PCDHGA1: variants seen among roughly 807,000 people sequenced by gnomAD.
The protein encoded by PCDHGA1 is protocadherin gamma-A1.
PCDHGA1 carries 32 observed loss-of-function variants against 58.0 expected under a neutral mutation model. That is an observed-to-expected ratio of 0.55 (90% confidence interval 0.42 to 0.74). The LOEUF (loss-of-function observed/expected upper bound fraction) is 0.74, where lower values mean the gene tolerates loss of function less well. PCDHGA1 is among the 30% of genes least tolerant of loss of function. The probability of loss-of-function intolerance (pLI) is 0.00; values close to 1 mark genes in which losing one functional copy is unlikely to be tolerated. For missense variants in PCDHGA1, 1,205 were observed against 1,182.3 expected, an observed-to-expected ratio of 1.02 and a Z score of -0.28; for synonymous variants, 498 against 501.1, an observed-to-expected ratio of 0.99 and a Z score of 0.08.
intron 1 of PCDHGA1, chr5:141,376,220 G>A: frequency 6.2e-7 from 1 of 1,614,202 alleles, no homozygotes; most frequent in Non-Finnish European, 8.5e-7. Context: ...CGTGCTGCTG[G>A]CGCTCAGACT....
rs1243232069 is a variant in PCDHGA1 at position 141,490,842 on chromosome 5, G to A, written c.2422-3965G>A. Reference sequence around the variant, plus strand: ...TGCTGCAGATGCTGCAGATTGTGGTGGGGGTTCGAGACTCCGGCTCTCCCC... The same window carrying A: ...TGCTGCAGATGCTGCAGATTGTGGTAGGGGTTCGAGACTCCGGCTCTCCCC... On this transcript the variant is annotated intron_variant, in intron 1 of 3. Transcript: ENST00000517417. The surrounding 1 kb of genome is among the most constrained non-coding windows in gnomAD (Gnocchi z 5.4). 4.3e-6 allele frequency: 7 copies of A among 1,613,844 alleles called. No homozygotes were observed. In the South Asian group the frequency reaches 6.6e-5, roughly 15 times the overall value.
intron 1 of PCDHGA1, chr5:141,427,308 G>A (rs2097014480): frequency 2.2e-6 from 1 of 456,846 alleles, no homozygotes; most frequent in Non-Finnish European, 4.4e-6. Flanking sequence ...GAATGACAAT[G>A]CCCCAGACGT....
chr5:141,443,029 C>A (rs1281303741), intron 1 of PCDHGA1, among the ~76,000 whole-genome samples: 1 of 152,192 alleles, frequency 6.6e-6, no homozygotes, highest in Admixed American at 6.5e-5. Flanking sequence ...AGTTGCCAGA[C>A]CTAAACTTTG....
intron 1 of PCDHGA1, chr5:141,361,115 T>C: frequency 6.2e-7 from 1 of 1,614,046 alleles, no homozygotes; most frequent in Non-Finnish European, 8.5e-7. Context: ...CCTGGAGATC[T>C]AGCAGCCCAC....
At chr5:141,429,735 T>C (rs911956546) in intron 1 of PCDHGA1, among the ~76,000 whole-genome samples, 1 of 152,202 alleles carries the variant, frequency 6.6e-6, no homozygotes. Flanking sequence ...ACGTAGCCAG[T>C]TATTTCTTAG....
intron 1 of PCDHGA1, chr5:141,367,882 A>C (rs1403559847): frequency 6.6e-6 from 1 of 152,094 alleles, no homozygotes; most frequent in Non-Finnish European, 1.5e-5. Context: ...ATTCTTCTTT[A>C]TTACTTGAGT....
intron 1 of PCDHGA1, among the ~76,000 whole-genome samples, chr5:141,484,389 G>A (rs1336850919): frequency 6.6e-6 from 1 of 152,140 alleles, no homozygotes; most frequent in Non-Finnish European, 1.5e-5. Flanking sequence ...GAATAAGAAA[G>A]GTTTGGTTTC....
chr5:141,344,625 C>A, intron 1 of PCDHGA1: 1 of 1,613,934 alleles, frequency 6.2e-7, no homozygotes, highest in East Asian at 2.2e-5. Flanking sequence ...GGTGCTGGAG[C>A]GGGCCCTGGA....
At chr5:141,429,726 C>T (rs931967000) in intron 1 of PCDHGA1, among the ~76,000 whole-genome samples, 23 of 152,068 alleles carry the variant, frequency 1.5e-4, no homozygotes, top group Admixed American at 1.3e-4. Flanking sequence ...CATGAAAGTA[C>T]GTAGCCAGTT....
chr5:141,465,019 G>T (rs533151051), intron 1 of PCDHGA1, among the ~76,000 whole-genome samples: 1 of 151,978 alleles, frequency 6.6e-6, no homozygotes, highest in Non-Finnish European at 1.5e-5. Context: ...TAAGATTACA[G>T]CCATGAACCA....
At chr5:141,419,109 A>T in intron 1 of PCDHGA1, 1 of 1,613,940 alleles carries the variant, frequency 6.2e-7, no homozygotes, top group Non-Finnish European at 8.5e-7. Flanking sequence ...CAGACCCCAG[A>T]GTACAACGTC....
At chr5:141,418,603 G>C in intron 1 of PCDHGA1, 1 of 1,614,020 alleles carries the variant, frequency 6.2e-7, no homozygotes, top group Non-Finnish European at 8.5e-7. Context: ...ACGTGTACAG[G>C]GTTAGCCTTC....
chr5:141,453,032 G>A (rs2098754281), intron 1 of PCDHGA1, among the ~76,000 whole-genome samples: 1 of 152,132 alleles, frequency 6.6e-6, no homozygotes, highest in Admixed American at 6.5e-5. Flanking sequence ...TTAAAATAAA[G>A]TTTGTTTCTA....
At chr5:141,393,479 C>A (rs375589587) in intron 1 of PCDHGA1, 1 of 1,613,940 alleles carries the variant, frequency 6.2e-7, no homozygotes, top group Non-Finnish European at 8.5e-7. Flanking sequence ...AGCCGCCTCG[C>A]TCTAGCACAG....
chr5:141,345,751 C>G, intron 1 of PCDHGA1: 1 of 1,614,230 alleles, frequency 6.2e-7, no homozygotes, highest in Non-Finnish European at 8.5e-7. Flanking sequence ...GACGGTTCCA[C>G]TGGCGTGGAG....
At chr5:141,394,373 C>G in intron 1 of PCDHGA1, 2 of 1,614,206 alleles carry the variant, frequency 1.2e-6, no homozygotes, top group Non-Finnish European at 8.5e-7. Context: ...TGCAATCTTT[C>G]GACTATGAGC....
At chr5:141,443,977 AT>A (rs1443967001) in intron 1 of PCDHGA1, among the ~76,000 whole-genome samples, 1 of 152,020 alleles carries the variant, frequency 6.6e-6, no homozygotes, top group African/African-American at 2.4e-5. Context: ...CATCTAAGCT[AT>A]GTTAATTTTA....
At chr5:141,499,184 A>G (rs2099789986) in intron 2 of PCDHGA1, among the ~76,000 whole-genome samples, 1 of 151,726 alleles carries the variant, frequency 6.6e-6, no homozygotes, top group African/African-American at 2.4e-5. Context: ...CCAGCAAACC[A>G]TTTCCCCCTT....
In PCDHGA1 at chr5:141,489,071, CA is replaced by C; in HGVS notation, c.2422-5735del. 3.1e-6 allele frequency: 1 copy of C among 326,700 alleles called. No homozygotes were observed. Among genetic ancestry groups the C allele is most frequent in the East Asian group, 5.9e-5 (1 of 17,012 alleles). 20.2% of individuals were successfully genotyped at this position (326,700 alleles called of 1,614,324 possible). A position where few individuals can be genotyped will look rare whatever the true frequency, so the allele number is the denominator to read the frequency against. On this transcript the variant is annotated intron_variant, in intron 1 of 3. Transcript: ENST00000517417. This position sits in a 1 kb window ranked among gnomAD's most constrained non-coding sequence, Gnocchi z 4.5. Reference sequence around the variant, plus strand: ...AAATTCAGCTCCCCTCCCCCCTGCCCACCCCCGCCACTCGGTGACTAAGAAC... The same window carrying C: ...AAATTCAGCTCCCCTCCCCCCTGCCCCCCCCGCCACTCGGTGACTAAGAAC...
Sources: allele counts gnomAD v4.1 joint callset (sites outside exome capture counted in the v4.1 genomes callset), GRCh38; gene constraint gnomAD v4.1.1; non-coding constraint Gnocchi (gnomAD v3.1); transcripts MANE v1.5; gene names NCBI Gene and HGNC (gene_info 2026-07-23, HGNC 2026-07-21).